PTPRN2: variants seen among roughly 807,000 people sequenced by gnomAD.
The protein encoded by PTPRN2 is protein tyrosine phosphatase receptor type N2.
In PTPRN2, 74 loss-of-function variants were observed where a neutral mutation model predicts 118.8. The ratio of observed to expected loss-of-function variants is 0.62; its 90% CI spans 0.52 to 0.76. The LOEUF (loss-of-function observed/expected upper bound fraction) is 0.76. Among genes scored for constraint, PTPRN2 ranks in the 30% least tolerant of loss-of-function variants. The pLI, the probability that PTPRN2 is intolerant of heterozygous loss-of-function variation, is 0.00. For missense variants in PTPRN2, 1,481 were observed against 1,394.4 expected (o/e 1.06, Z -0.99); for synonymous variants, 641 against 608.0 (o/e 1.05, Z -0.80).
In PTPRN2 at chr7:158,167,101, C is replaced by T. The variant is rs1337678583; in HGVS notation, c.740G>A (p.Ser247Asn). The change falls in exon 6 of 23, where the codon AGT (serine) becomes AAT (asparagine). Residue 247 changes from serine to asparagine, a missense_variant. This residue lies in a region of PTPRN2 where 1,115 missense variants were observed against 994.2 expected (regional missense o/e 1.12). Transcript: ENST00000389418. Reference protein sequence around the residue: ...VDRHHLMAALSAYAAQRPPAP... With the variant: ...VDRHHLMAALNAYAAQRPPAP... ...TGGGGGCCTCTGGGCAGCATAGGCA[C>T]TGAGGGCCGCCATCAGATGGTGTCT... The T allele has an allele frequency of 1.9e-6, 3 of 1,612,830 alleles. No individual in the cohort carries two copies. Among genetic ancestry groups the T allele is most frequent in the Non-Finnish European group, 2.5e-6 (3 of 1,179,466 alleles).
intron 11 of PTPRN2, among the ~76,000 whole-genome samples, chr7:158,059,730 C>T (rs11976706): frequency 0.072 from 5,939 of 82,878 alleles, 399 homozygotes; most frequent in Admixed American, 0.13. Context: ...CCCACGGTGA[C>T]GCATCACTGC....
At position 157,944,835 on chromosome 7, in the gene PTPRN2, T is replaced by C. The variant is rs1800368376; in HGVS notation, c.1724-46098A>G. Among the ~76,000 whole-genome samples the C allele has an allele frequency of 6.6e-6, 1 of 152,180 alleles. No homozygotes were observed. The highest frequency in any genetic ancestry group is 2.1e-4 in the South Asian group (1 of 4,834). On this transcript the variant is annotated intron_variant, in intron 11 of 22. Coordinates refer to ENST00000389418, the MANE Select transcript of PTPRN2 (RefSeq NM_002847.5). The surrounding 1 kb of genome is among the most constrained non-coding windows in gnomAD (Gnocchi z 4.3). ...CTTGCTCATCAGCTGGGAAGCAGCA[T>C]GCTTCTTGGGGGGCAGGCATTGTCT... is the stretch of plus-strand genomic sequence containing the variant.
In PTPRN2 at chr7:157,987,824, C is replaced by T. The variant is rs1460761790; in HGVS notation, c.1724-89087G>A. Among the ~76,000 whole-genome samples, 1 of 152,192 alleles carries T rather than the reference C, an allele frequency of 6.6e-6. No individual in the cohort carries two copies. The highest frequency in any genetic ancestry group is 2.4e-5 in the African/African-American group (1 of 41,440). ...GGGAATCTGCTTTTCAATGCAGCAT[C>T]CCAGTGGGGTGGCCCCATCACTTCT... On this transcript the variant is annotated intron_variant, in intron 11 of 22. Coordinates refer to ENST00000389418, the MANE Select transcript of PTPRN2 (RefSeq NM_002847.5). The surrounding 1 kb of genome is among the most constrained non-coding windows in gnomAD (Gnocchi z 4.3).
At chr7:157,641,563 C>A (rs1338555909) in intron 14 of PTPRN2, among the ~76,000 whole-genome samples, 1 of 152,132 alleles carries the variant, frequency 6.6e-6, no homozygotes, top group Non-Finnish European at 1.5e-5. Context: ...GAAGGGGAAG[C>A]CAGAGTTCAC....
intron 12 of PTPRN2, among the ~76,000 whole-genome samples, chr7:157,740,753 TCTTTCCAGCAAGC>T (rs1189126028): frequency 6.6e-6 from 1 of 152,204 alleles, no homozygotes; most frequent in Non-Finnish European, 1.5e-5. Flanking sequence ...GGCACTGGCT[TCTTTCCAGCAAGC>T]CTCGGAATCA....
At chr7:158,302,676 G>T (rs571968944) in intron 3 of PTPRN2, among the ~76,000 whole-genome samples, 1 of 152,336 alleles carries the variant, frequency 6.6e-6, no homozygotes, top group Admixed American at 6.5e-5. Context: ...CACACGTGCC[G>T]CAGCTGGAAC....
chr7:157,577,224 G>A (rs1015865095), intron 18 of PTPRN2, among the ~76,000 whole-genome samples: 2 of 152,186 alleles, frequency 1.3e-5, no homozygotes, highest in African/African-American at 4.8e-5. Context: ...GTCTAGAGCA[G>A]GAAAAGCAAA....
intron 2 of PTPRN2, among the ~76,000 whole-genome samples, chr7:158,441,638 T>C (rs1226239039): frequency 6.7e-6 from 1 of 148,198 alleles, no homozygotes; most frequent in African/African-American, 2.5e-5. Context: ...ATAGTGATGG[T>C]GATGGCAATG....
intron 14 of PTPRN2, among the ~76,000 whole-genome samples, chr7:157,621,913 G>A (rs1343503340): frequency 1.3e-5 from 2 of 152,036 alleles, no homozygotes; most frequent in Non-Finnish European, 2.9e-5. Context: ...AACCCACTGG[G>A]TGTGATGCAG....
chr7:158,218,924 G>A (rs565612060), intron 3 of PTPRN2, among the ~76,000 whole-genome samples: 1 of 152,264 alleles, frequency 6.6e-6, no homozygotes, highest in East Asian at 1.9e-4. Flanking sequence ...GGGGCACCCA[G>A]ATTCATAAAA....
intron 2 of PTPRN2, among the ~76,000 whole-genome samples, chr7:158,334,805 GTTAC>G (rs1805272499): frequency 1.7e-5 from 1 of 59,440 alleles, no homozygotes; most frequent in African/African-American, 6.4e-5. Flanking sequence ...GCCCGCAGAC[GTTAC>G]TCACACCCAC....
intron 5 of PTPRN2, among the ~76,000 whole-genome samples, chr7:158,171,062 T>TATAC (rs201790172): frequency 0.014 from 1,752 of 129,652 alleles, 106 homozygotes; most frequent in African/African-American, 0.049. Context: ...TACACATATA[T>TATAC]ACACATTATA....
intron 3 of PTPRN2, among the ~76,000 whole-genome samples, chr7:158,312,051 AC>A (rs1224485834): frequency 8.8e-6 from 1 of 113,936 alleles, no homozygotes; most frequent in Non-Finnish European, 1.9e-5. Context: ...ACATGCACAC[AC>A]GTGCTCACAT....
At chr7:158,354,333 C>T (rs1808222389) in intron 2 of PTPRN2, among the ~76,000 whole-genome samples, 1 of 152,142 alleles carries the variant, frequency 6.6e-6, no homozygotes, top group Non-Finnish European at 1.5e-5. Context: ...AAGCAGCAGA[C>T]GGGACCATGG....
At chr7:158,019,526 T>C (rs1806710845) in intron 11 of PTPRN2, among the ~76,000 whole-genome samples, 1 of 152,220 alleles carries the variant, frequency 6.6e-6, no homozygotes. Flanking sequence ...TGTTTTTTAT[T>C]TGTGCAATTA....
chr7:158,107,107 A>C (rs903823492), intron 10 of PTPRN2, among the ~76,000 whole-genome samples: 2 of 152,094 alleles, frequency 1.3e-5, no homozygotes, highest in African/African-American at 4.8e-5. Context: ...CATACACCTA[A>C]GGGTCCACGT....
chr7:157,989,514 TG>T (rs112036893), intron 11 of PTPRN2, among the ~76,000 whole-genome samples: 71,165 of 151,436 alleles, frequency 0.47, 17,080 homozygotes, highest in East Asian at 0.71. Flanking sequence ...CGGAGTCTTG[TG>T]GGGGGCACCA....
At chr7:158,142,536 C>T (rs73514430) in intron 6 of PTPRN2, among the ~76,000 whole-genome samples, 109 of 152,290 alleles carry the variant, frequency 7.2e-4, no homozygotes, top group African/African-American at 2.2e-3. Context: ...AGAAGGGAAA[C>T]GCAGGGATTG....
Position 157,813,820 on chromosome 7 carries a change from C to T in PTPRN2, c.1788+84853G>A, listed in dbSNP as rs983868353. Among the ~76,000 whole-genome samples the T allele has an allele frequency of 3.9e-5, 6 of 152,212 alleles. No individual in the cohort carries two copies. The highest frequency in any genetic ancestry group is 6.5e-5 in the Admixed American group (1 of 15,286). The stretch of plus-strand genomic sequence containing the variant: ...CCCTGAGTCAGAATGGCCTGGAGCG[C>T]GGGTAAAACAGCTCGGGGCCAGCCA... On this transcript the variant is annotated intron_variant, in intron 12 of 22. Transcript: ENST00000389418. The surrounding 1 kb of genome is among the most constrained non-coding windows in gnomAD (Gnocchi z 4.7).
Sources: allele counts gnomAD v4.1 joint callset (sites outside exome capture counted in the v4.1 genomes callset), GRCh38; gene constraint gnomAD v4.1.1; regional missense constraint gnomAD v4.1.1; non-coding constraint Gnocchi (gnomAD v3.1); transcripts MANE v1.5; gene names NCBI Gene and HGNC (gene_info 2026-07-23, HGNC 2026-07-21).